HECW1: variants seen among roughly 807,000 people sequenced by gnomAD.
HECW1 encodes the protein HECT, C2 and WW domain containing E3 ubiquitin protein ligase 1, also known as E3 ubiquitin-protein ligase HECW1.
In HECW1, 61 loss-of-function variants were observed where a neutral mutation model predicts 182.3. The ratio of observed to expected loss-of-function variants is 0.33; its 90% CI spans 0.27 to 0.41. HECW1 has a LOEUF of 0.41. HECW1 is among the 10% of genes least tolerant of loss of function. HECW1 has a pLI of 1.00. For missense variants in HECW1, 1,739 were observed against 2,108.9 expected (o/e 0.82, Z 3.44); for synonymous variants, 859 against 832.6 (o/e 1.03, Z -0.55).
intron 4 of HECW1, 80 bp from the exon 5 acceptor site, chr7:43,320,555 C>T (rs1469975942): frequency 2.1e-6 from 2 of 965,750 alleles, no homozygotes; most frequent in Admixed American, 2.0e-5. Flanking sequence ...CATTTGTATC[C>T]TTTGCTTTTC....
At chr7:43,396,659 T>C in intron 6 of HECW1, 155 bp from the exon 7 acceptor site, 1 of 579,228 alleles carries the variant, frequency 1.7e-6, no homozygotes, top group East Asian at 2.9e-5. Flanking sequence ...ATTAGGTTGC[T>C]AGAAAGTTGT....
chr7:43,477,361 A>G (rs1304865600), intron 16 of HECW1, among the ~76,000 whole-genome samples: 2 of 152,232 alleles, frequency 1.3e-5, no homozygotes, highest in Non-Finnish European at 2.9e-5. Flanking sequence ...ACACAAATAT[A>G]AGGAACCTAT....
chr7:43,453,795 G>C (rs1172911372), intron 12 of HECW1, among the ~76,000 whole-genome samples: 2 of 152,178 alleles, frequency 1.3e-5, no homozygotes. Context: ...ACTGTTTTCA[G>C]GTGGCTCTTT....
At chr7:43,204,851 C>T (rs545746459) in intron 2 of HECW1, among the ~76,000 whole-genome samples, 6 of 152,170 alleles carry the variant, frequency 3.9e-5, no homozygotes, top group East Asian at 3.9e-4. Context: ...ATTAAGGCCC[C>T]GCAAAGTTTG....
At chr7:43,351,050 T>C (rs1232115539) in intron 5 of HECW1, among the ~76,000 whole-genome samples, 2 of 152,254 alleles carry the variant, frequency 1.3e-5, no homozygotes, top group Non-Finnish European at 2.9e-5. Flanking sequence ...TTCTTTTGCC[T>C]CTGGGGTGTT....
chr7:43,445,626 T>A, intron 11 of HECW1, 56 bp downstream of exon 11: 1 of 1,467,810 alleles, frequency 6.8e-7, no homozygotes, highest in Non-Finnish European at 9.0e-7. Context: ...GACAAAGGTG[T>A]CACCAACAGT....
chr7:43,350,133 G>A (rs560399703), intron 5 of HECW1, among the ~76,000 whole-genome samples: 26 of 152,202 alleles, frequency 1.7e-4, no homozygotes, highest in Admixed American at 7.2e-4. Flanking sequence ...GCTTAGTTTC[G>A]CTAGATACAA....
chr7:43,508,111 C>T lies in HECW1; in HGVS notation c.3846C>T (p.Val1282=). 2.5e-6 allele frequency: 4 copies of T among 1,613,544 alleles called. No homozygotes were observed. Among genetic ancestry groups the T allele is most frequent in the Non-Finnish European group, 3.4e-6 (4 of 1,179,520 alleles). Residue 1282 remains valine, a synonymous_variant, in exon 23 of 30, where the codon GTC becomes GTT. Coordinates refer to ENST00000395891, the MANE Select transcript of HECW1 (RefSeq NM_015052.5). ...AGCTCCAGCGAAACAAGCTCTACGT[C>T]ACCTTTGTTGGAGAGGAGGGGTGAG... ...RKELQRNKLY[V]TFVGEEGLDY...
chr7:43,274,552 C>A, intron 3 of HECW1: 1 of 542,700 alleles, frequency 1.8e-6, no homozygotes, highest in African/African-American at 1.9e-5. Context: ...GGCCACGCTT[C>A]ACCACCAAGA....
At chr7:43,349,107 T>C (rs1374966120) in intron 5 of HECW1, among the ~76,000 whole-genome samples, 1 of 152,232 alleles carries the variant, frequency 6.6e-6, no homozygotes, top group East Asian at 1.9e-4. Context: ...CACTCTCGGC[T>C]CACTGCAACC....
At chr7:43,230,937 CA>C (rs1797829075) in intron 2 of HECW1, among the ~76,000 whole-genome samples, 1 of 152,174 alleles carries the variant, frequency 6.6e-6, no homozygotes, top group Non-Finnish European at 1.5e-5. Context: ...CTCTTCCAAG[CA>C]TTAGCACATC....
chr7:43,497,169 A>C (rs2079152150), intron 19 of HECW1, among the ~76,000 whole-genome samples: 4 of 152,170 alleles, frequency 2.6e-5, no homozygotes, highest in Admixed American at 6.5e-5. Flanking sequence ...GTGATGCTTA[A>C]GCTGAAACCT....
intron 2 of HECW1, among the ~76,000 whole-genome samples, chr7:43,238,494 A>G (rs1041892838): frequency 5.9e-5 from 9 of 152,210 alleles, no homozygotes; most frequent in Non-Finnish European, 1.3e-4. Context: ...TCTAGGGACA[A>G]ACTGGATCTT....
At chr7:43,506,929 G>T (rs1189341392) in intron 21 of HECW1, among the ~76,000 whole-genome samples, 1 of 152,108 alleles carries the variant, frequency 6.6e-6, no homozygotes, top group African/African-American at 2.4e-5. Context: ...AATCAGCCAG[G>T]TATGGTGGCA....
At position 43,176,285 on chromosome 7, in the gene HECW1, G is replaced by C. The variant is rs1051562706; in HGVS notation, c.-32+61894G>C. Among the ~76,000 whole-genome samples, 7 of 152,254 alleles carry C rather than the reference G, an allele frequency of 4.6e-5. No homozygotes were observed. The South Asian group carries it at 1.2e-3, about 27-fold the overall frequency. On this transcript the variant is annotated intron_variant, in intron 2 of 29. Coordinates refer to ENST00000395891, the MANE Select transcript of HECW1 (RefSeq NM_015052.5). ...TATTTTTTTCAGAAAGCAGAAAGAG[G>C]CTTCAGTCAGAAGGAGTATACAACA...
Position 43,492,160 on chromosome 7 carries a change from A to C in HECW1, c.3320A>C (p.Gln1107Pro). The change falls in exon 18 of 30, where the codon CAA (glutamine) becomes CCA (proline). Residue 1107 changes from glutamine to proline, a missense_variant. Gln to Pro is a moderately conservative substitution (Grantham distance 76). Transcript: ENST00000395891. ...SLVAAIRSQH[Q>P]HESLPLAYND... ...GTAGCTGCTATTCGAAGCCAACATC[A>C]ACATGAGTCATTGCCACTGGGTATG... The C allele has an allele frequency of 1.2e-6, 2 of 1,602,800 alleles. No homozygotes were observed. Among genetic ancestry groups the C allele is most frequent in the Non-Finnish European group, 1.7e-6 (2 of 1,176,740 alleles).
chr7:43,380,856 A>T (rs1034524722), intron 6 of HECW1, among the ~76,000 whole-genome samples: 22 of 152,098 alleles, frequency 1.4e-4, no homozygotes, highest in African/African-American at 5.1e-4. Flanking sequence ...ATGGGTATAT[A>T]ATTAGGGTGA....
At chr7:43,528,109 A>C (rs2080831683) in intron 24 of HECW1, among the ~76,000 whole-genome samples, 1 of 152,232 alleles carries the variant, frequency 6.6e-6, no homozygotes, top group South Asian at 2.1e-4. Flanking sequence ...TTGACCATGA[A>C]AGGCTGCTTG....
intron 5 of HECW1, among the ~76,000 whole-genome samples, chr7:43,351,501 C>T (rs140320902): frequency 6.6e-6 from 1 of 152,122 alleles, no homozygotes; most frequent in East Asian, 1.9e-4. Context: ...CAGGGCTAGA[C>T]GTGTCTGAGC....
Sources: gnomAD v4.1 joint callset for allele counts (sites outside exome capture counted in the v4.1 genomes callset) on GRCh38, gnomAD v4.1.1 for gene constraint, MANE v1.5 for transcripts, NCBI Gene and HGNC (gene_info 2026-07-23, HGNC 2026-07-21) for gene names.